Variants in TMEM132B observed in about 807,000 individuals in gnomAD.
TMEM132B encodes the protein transmembrane protein 132B.
TMEM132B carries 18 observed loss-of-function variants against 90.8 expected under a neutral mutation model. The ratio of observed to expected loss-of-function variants is 0.20; its 90% confidence interval spans 0.14 to 0.29. The LOEUF is 0.29. Ranked by LOEUF, TMEM132B falls within the 10% of genes least tolerant of loss-of-function variation. The probability of loss-of-function intolerance (pLI) is 1.00; values close to 1 mark genes in which losing one functional copy is unlikely to be tolerated. For synonymous variants in TMEM132B, 504 were observed against 523.3 expected (o/e 0.96, Z 0.50); for missense variants, 1,096 against 1,326.8 (o/e 0.83, Z 2.70).
chr12:125,328,133 G>T (rs146094608), intron 1 of TMEM132B, among the ~76,000 whole-genome samples: 1 of 152,192 alleles, frequency 6.6e-6, no homozygotes, highest in African/African-American at 2.4e-5. Flanking sequence ...TGTCTTAACC[G>T]TGTTATATCA....
intron 1 of TMEM132B, among the ~76,000 whole-genome samples, chr12:125,280,883 G>C (rs1052957977): frequency 2.0e-5 from 3 of 152,216 alleles, no homozygotes; most frequent in African/African-American, 7.2e-5. Flanking sequence ...TTGAGAGGAG[G>C]GGGTAGGAGT....
intron 2 of TMEM132B, among the ~76,000 whole-genome samples, chr12:125,393,036 G>C (rs1219890311): frequency 1.3e-5 from 2 of 152,164 alleles, no homozygotes; most frequent in Non-Finnish European, 2.9e-5. Flanking sequence ...ACTGGAGACC[G>C]TTTGCGACTA....
At chr12:125,651,286 T>C (rs1011116314) in intron 7 of TMEM132B, among the ~76,000 whole-genome samples, 4 of 152,366 alleles carry the variant, frequency 2.6e-5, no homozygotes, top group Admixed American at 6.5e-5. Context: ...GTATCACCAA[T>C]AGAAGGTGGT....
chr12:125,635,589 C>T (rs1886461577), intron 5 of TMEM132B, among the ~76,000 whole-genome samples: 1 of 152,130 alleles, frequency 6.6e-6, no homozygotes, highest in Non-Finnish European at 1.5e-5. Flanking sequence ...GTGAACAGTG[C>T]CACAGTAAAC....
intron 5 of TMEM132B, among the ~76,000 whole-genome samples, chr12:125,589,922 T>C (rs1405852734): frequency 6.6e-6 from 1 of 151,970 alleles, no homozygotes; most frequent in Non-Finnish European, 1.5e-5. Flanking sequence ...AAATCTCATG[T>C]TGAGATGTAA....
intron 1 of TMEM132B, among the ~76,000 whole-genome samples, chr12:125,279,261 T>C (rs1875091019): frequency 6.6e-6 from 1 of 152,164 alleles, no homozygotes; most frequent in Non-Finnish European, 1.5e-5. Flanking sequence ...AGGGTATGCA[T>C]AGAAAAATAA....
chr12:125,538,855 G>T (rs1446667855), intron 4 of TMEM132B, among the ~76,000 whole-genome samples: 2 of 152,112 alleles, frequency 1.3e-5, no homozygotes, highest in African/African-American at 4.8e-5. Flanking sequence ...TAAAAATAGA[G>T]GAGTTACCCC....
chr12:125,203,094 A>T (rs1873102848), intron 1 of TMEM132B, among the ~76,000 whole-genome samples: 3 of 152,210 alleles, frequency 2.0e-5, no homozygotes, highest in Admixed American at 2.0e-4. Flanking sequence ...GTCTGCCTCT[A>T]TACTGAGCTC....
chr12:125,235,802 C>CTTT (rs61643412), intron 1 of TMEM132B, among the ~76,000 whole-genome samples: 2,908 of 107,328 alleles, frequency 0.027, 145 homozygotes, highest in African/African-American at 0.066. Flanking sequence ...CACTTCATTC[C>CTTT]TTTTTTTTTT....
In TMEM132B at chr12:125,223,791, A is replaced by T. The variant is rs187605330; in HGVS notation, c.67+36925A>T. On this transcript the variant is annotated intron_variant, in intron 1 of 8. Transcript: ENST00000682704. The stretch of plus-strand genomic sequence containing the variant: ...TCTGGCATCTTTCACTTTGTATAAT[A>T]TTTTTTTTTTTCAGAGACAGAGTCT... Among the ~76,000 whole-genome samples, 497 of 148,532 alleles carry T rather than the reference A, an allele frequency of 3.3e-3. 2 individuals are homozygous for T. The highest frequency in any genetic ancestry group is 0.012 in the African/African-American group (480 of 40,678).
intron 5 of TMEM132B, among the ~76,000 whole-genome samples, chr12:125,591,070 C>T (rs562779332): frequency 2.0e-5 from 3 of 152,018 alleles, no homozygotes; most frequent in African/African-American, 4.8e-5. Context: ...GGGAGTGGCA[C>T]GCTGGTGTTT....
intron 1 of TMEM132B, among the ~76,000 whole-genome samples, chr12:125,312,543 C>T (rs369081609): frequency 2.0e-5 from 3 of 152,342 alleles, no homozygotes; most frequent in African/African-American, 7.2e-5. Flanking sequence ...GATGTCCCAG[C>T]GTCCTCTGGA....
At chr12:125,545,045 G>T (rs1489979210) in intron 4 of TMEM132B, among the ~76,000 whole-genome samples, 1 of 152,134 alleles carries the variant, frequency 6.6e-6, no homozygotes, top group Non-Finnish European at 1.5e-5. Context: ...GGGAGAGAGA[G>T]ATTACCCAAT....
At chr12:125,296,315 G>A (rs530600830) in intron 1 of TMEM132B, among the ~76,000 whole-genome samples, 16 of 152,274 alleles carry the variant, frequency 1.1e-4, no homozygotes, top group East Asian at 3.9e-4. Flanking sequence ...TTTTGTTCCC[G>A]TTGTTCCCTT....
intron 1 of TMEM132B, among the ~76,000 whole-genome samples, chr12:125,275,462 T>C (rs1171669909): frequency 6.6e-6 from 1 of 152,208 alleles, no homozygotes; most frequent in African/African-American, 2.4e-5. Context: ...GATGGAGACA[T>C]GCTTTTCAGG....
chr12:125,390,792 C>T (rs1224404006), intron 2 of TMEM132B, among the ~76,000 whole-genome samples: 1 of 140,162 alleles, frequency 7.1e-6, no homozygotes, highest in African/African-American at 2.8e-5. Flanking sequence ...TGACTGCAGC[C>T]CCCATACCAT....
intron 2 of TMEM132B, among the ~76,000 whole-genome samples, chr12:125,370,739 T>C (rs530496417): frequency 6.6e-6 from 1 of 152,130 alleles, no homozygotes; most frequent in East Asian, 1.9e-4. Flanking sequence ...AGGGAAGAAA[T>C]GGGTAATGGA....
At chr12:125,455,942 C>T (rs1881281939) in intron 3 of TMEM132B, among the ~76,000 whole-genome samples, 1 of 152,112 alleles carries the variant, frequency 6.6e-6, no homozygotes. Context: ...CTGTAAAGGG[C>T]CAGATAGTAA....
chr12:125,245,724 A>G (rs770956180), intron 1 of TMEM132B, among the ~76,000 whole-genome samples: 7 of 152,182 alleles, frequency 4.6e-5, no homozygotes, highest in Admixed American at 2.6e-4. Context: ...CAGGCCTGGC[A>G]GCATTGGTTC....
Sources: allele counts gnomAD v4.1 joint callset (sites outside exome capture counted in the v4.1 genomes callset), GRCh38; gene constraint gnomAD v4.1.1; transcripts MANE v1.5; gene names NCBI Gene and HGNC (gene_info 2026-07-23, HGNC 2026-07-21).